Variants in MCTP1 observed in about 807,000 individuals in gnomAD.
MCTP1 encodes the protein multiple C2 and transmembrane domain-containing protein 1.
Under a neutral mutation model 120.6 loss-of-function variants are expected in MCTP1, and 69 were observed. That is an observed-to-expected ratio of 0.57 (90% CI 0.47 to 0.70). The LOEUF (loss-of-function observed/expected upper bound fraction) is 0.70, where lower values mean the gene tolerates loss of function less well. Ranked by LOEUF, MCTP1 falls within the 30% of genes least tolerant of loss-of-function variation. The pLI is 0.00. For missense variants in MCTP1, 1,203 were observed against 1,248.8 expected, an observed-to-expected ratio of 0.96 and a Z score of 0.55; for synonymous variants, 529 against 493.1, an observed-to-expected ratio of 1.07 and a Z score of -0.96.
At position 95,210,228 on chromosome 5, in the gene MCTP1, C is replaced by T. The variant is rs561063450; in HGVS notation, c.720+73628G>A. On this transcript the variant is annotated intron_variant, in intron 1 of 22. Transcript: ENST00000515393. ...GAGCTGAGTAAAATTCCTGGGTATC[C>T]TTTTAACTTTCTGTCTTGTTCATCT... is the stretch of plus-strand genomic sequence containing the variant. 2.6e-4 allele frequency among the ~76,000 whole-genome samples: 40 copies of T among 152,214 alleles called. No individual in the cohort carries two copies. The East Asian group carries it at 7.2e-3, about 27-fold the overall frequency.
At chr5:95,146,191 T>C (rs1760378858) in intron 1 of MCTP1, among the ~76,000 whole-genome samples, 1 of 152,106 alleles carries the variant, frequency 6.6e-6, no homozygotes, top group South Asian at 2.1e-4. Context: ...GTGTTCATAA[T>C]AGTCTTTGTG....
chr5:95,076,956 G>A (rs945803428), intron 1 of MCTP1, among the ~76,000 whole-genome samples: 11 of 151,890 alleles, frequency 7.2e-5, no homozygotes, highest in African/African-American at 2.7e-4. Context: ...TTCCCTCCCC[G>A]CCTTGTAAAC....
rs551775122 is a variant in MCTP1 at position 94,713,182 on chromosome 5, T to C, written c.2720+1595A>G. Among the ~76,000 whole-genome samples, 7 of 152,238 alleles carry C rather than the reference T, an allele frequency of 4.6e-5. No homozygotes were observed. In the East Asian group the frequency reaches 1.2e-3, roughly 25 times the overall value. The stretch of plus-strand genomic sequence containing the variant: ...CTTTTGAGTCTGCTTTCTGGGTAGA[T>C]GCTTTTAATTCCATGTGACCCCCAG... On this transcript the variant is annotated intron_variant, in intron 20 of 22. Transcript: ENST00000515393.
chr5:94,769,257 G>C (rs983884740), intron 19 of MCTP1, among the ~76,000 whole-genome samples: 3 of 152,082 alleles, frequency 2.0e-5, no homozygotes, highest in Admixed American at 6.5e-5. Flanking sequence ...AAGAGAGATT[G>C]GTTAATGGAA....
At chr5:94,840,283 A>C (rs1480046153) in intron 17 of MCTP1, among the ~76,000 whole-genome samples, 2 of 152,218 alleles carry the variant, frequency 1.3e-5, no homozygotes, top group Admixed American at 1.3e-4. Flanking sequence ...GGAATGCAAC[A>C]CTGTATTCAT....
At chr5:95,260,127 A>G (rs992910733) in intron 1 of MCTP1, among the ~76,000 whole-genome samples, 2 of 152,102 alleles carry the variant, frequency 1.3e-5, no homozygotes, top group Admixed American at 6.5e-5. Context: ...TGCCTTCCCC[A>G]TGTATCTGTA....
chr5:94,836,177 C>A (rs1789703940), intron 17 of MCTP1, among the ~76,000 whole-genome samples: 2 of 50,062 alleles, frequency 4.0e-5, no homozygotes, highest in South Asian at 1.8e-3. Context: ...AAGACTCCGT[C>A]TCAAAAAAAA....
chr5:94,835,391 G>C (rs554687589), intron 17 of MCTP1, among the ~76,000 whole-genome samples: 1 of 152,312 alleles, frequency 6.6e-6, no homozygotes, highest in Non-Finnish European at 1.5e-5. Flanking sequence ...TGAAGGTCAA[G>C]GTTGGATAAC....
intron 1 of MCTP1, among the ~76,000 whole-genome samples, chr5:95,157,161 T>C (rs1308245747): frequency 6.6e-6 from 1 of 152,224 alleles, no homozygotes; most frequent in Non-Finnish European, 1.5e-5. Flanking sequence ...AATTAACTCA[T>C]TTGGGTTAAA....
intron 17 of MCTP1, among the ~76,000 whole-genome samples, chr5:94,840,485 G>A (rs964841134): frequency 1.6e-4 from 25 of 152,170 alleles, no homozygotes; most frequent in Non-Finnish European, 1.2e-4. Context: ...GATTTTAACC[G>A]CTGTTGGGAT....
chr5:95,063,319 T>A (rs1202061617), intron 1 of MCTP1, among the ~76,000 whole-genome samples: 1 of 152,210 alleles, frequency 6.6e-6, no homozygotes, highest in African/African-American at 2.4e-5. Flanking sequence ...AATTTTAATT[T>A]CCATTTCTAG....
chr5:94,741,462 C>A (rs1765518928), intron 19 of MCTP1, among the ~76,000 whole-genome samples: 1 of 152,214 alleles, frequency 6.6e-6, no homozygotes, highest in Admixed American at 6.5e-5. Flanking sequence ...AATGACTTGA[C>A]TTCTCTTTTT....
At chr5:95,248,003 G>A (rs1009905663) in intron 1 of MCTP1, among the ~76,000 whole-genome samples, 8 of 152,070 alleles carry the variant, frequency 5.3e-5, no homozygotes, top group African/African-American at 1.7e-4. Context: ...CAATAAACTA[G>A]GTTTTGATGG....
At chr5:95,058,404 T>C (rs943918580) in intron 1 of MCTP1, among the ~76,000 whole-genome samples, 26 of 152,224 alleles carry the variant, frequency 1.7e-4, no homozygotes, top group African/African-American at 5.8e-4. Context: ...AATTCTAATA[T>C]GCAGGAAAAA....
At chr5:94,820,179 T>G (rs1256217674) in intron 17 of MCTP1, among the ~76,000 whole-genome samples, 1 of 152,206 alleles carries the variant, frequency 6.6e-6, no homozygotes, top group Non-Finnish European at 1.5e-5. Context: ...AAAATAGGTG[T>G]GAGCTTAAAA....
intron 1 of MCTP1, among the ~76,000 whole-genome samples, chr5:95,110,051 C>G (rs1228807869): frequency 6.6e-6 from 1 of 151,960 alleles, no homozygotes; most frequent in Non-Finnish European, 1.5e-5. Context: ...TTTATAAATA[C>G]CCAGTTGGTG....
intron 1 of MCTP1, among the ~76,000 whole-genome samples, chr5:95,096,627 G>C (rs967558425): frequency 1.3e-5 from 2 of 152,086 alleles, no homozygotes; most frequent in Admixed American, 1.3e-4. Flanking sequence ...TGCCATAAAT[G>C]GAAGAAGCTC....
intron 4 of MCTP1, 46 bp downstream of exon 4, chr5:94,942,302 C>T (rs1817908366): frequency 7.2e-7 from 1 of 1,381,836 alleles, no homozygotes; most frequent in Non-Finnish European, 1.0e-6. Flanking sequence ...TACACAAGCC[C>T]ACTGCATGAC....
At chr5:95,119,105 A>G (rs1410028726) in intron 1 of MCTP1, among the ~76,000 whole-genome samples, 1 of 152,234 alleles carries the variant, frequency 6.6e-6, no homozygotes, top group Non-Finnish European at 1.5e-5. Flanking sequence ...CAGCACATGG[A>G]TCATTCTCAA....
Sources: allele counts gnomAD v4.1 joint callset (sites outside exome capture counted in the v4.1 genomes callset), GRCh38; gene constraint gnomAD v4.1.1; transcripts MANE v1.5; gene names NCBI Gene and HGNC (gene_info 2026-07-23, HGNC 2026-07-21).